Variants in PMPCB observed in about 807,000 individuals in gnomAD.
PMPCB encodes mitochondrial-processing peptidase subunit beta.
A neutral mutation model predicts 61.5 loss-of-function variants in PMPCB; 46 were observed. The observed-to-expected ratio is 0.75, with a 90% CI of 0.59 to 0.96. PMPCB has a LOEUF of 0.96. Among genes scored for constraint, PMPCB ranks in the 40% least tolerant of loss-of-function variants. The pLI, the probability that PMPCB is intolerant of heterozygous loss-of-function variation, is 0.00. For missense variants in PMPCB, 590 were observed against 602.4 expected (o/e 0.98, Z 0.22); for synonymous variants, 191 against 201.6 (o/e 0.95, Z 0.44).
chr7:103,346,818 ATGTG>A, the PMPCB span, among the ~76,000 whole-genome samples: 11,752 of 150,116 alleles, frequency 0.078, 582 homozygotes, highest in East Asian at 0.2. Flanking sequence ...AGGCTGAATA[ATGTG>A]TGTGTGTGTG....
downstream of PMPCB, among the ~76,000 whole-genome samples, chr7:103,318,233 A>G (rs1818182115): frequency 6.6e-6 from 1 of 151,952 alleles, no homozygotes; most frequent in Non-Finnish European, 1.5e-5. Context: ...CGACATGATC[A>G]TAGCTCACTG....
At chr7:103,305,166 A>G (rs1425163977) in intron 6 of PMPCB, among the ~76,000 whole-genome samples, 2 of 152,202 alleles carry the variant, frequency 1.3e-5, no homozygotes, top group Non-Finnish European at 2.9e-5. Flanking sequence ...TGGAACGGGT[A>G]TGTTCATTCT....
the PMPCB span, chr7:103,344,706 C>A: frequency 7.1e-7 from 1 of 1,418,212 alleles, no homozygotes; most frequent in Non-Finnish European, 9.8e-7. Flanking sequence ...CTCTACCTCT[C>A]ACTCCGAGCC....
intron 12 of PMPCB, chr7:103,324,667 G>A (rs1818606553): frequency 9.5e-7 from 1 of 1,047,716 alleles, no homozygotes; most frequent in Non-Finnish European, 1.3e-6. Context: ...TAATTCCTCT[G>A]ATTTCCCTTC....
Position 103,302,609 on chromosome 7 carries a change from C to T in PMPCB, c.458-1233C>T, listed in dbSNP as rs554407273. 1.1e-4 allele frequency among the ~76,000 whole-genome samples: 17 copies of T among 152,292 alleles called. No homozygotes were observed. The South Asian group carries it at 3.1e-3, about 28-fold the overall frequency. On this transcript the variant is annotated intron_variant, in intron 4 of 12. Coordinates refer to ENST00000249269, the MANE Select transcript of PMPCB (RefSeq NM_004279.3). Reference sequence around the variant, plus strand: ...TTACAGATAATTTTTTCCTTTTGGTCATGATCTCAGCCACAGCTTACTATA... The same window carrying T: ...TTACAGATAATTTTTTCCTTTTGGTTATGATCTCAGCCACAGCTTACTATA...
chr7:103,305,939 AC>A (rs1817563352), intron 6 of PMPCB, among the ~76,000 whole-genome samples: 1 of 152,188 alleles, frequency 6.6e-6, no homozygotes, highest in Non-Finnish European at 1.5e-5. Context: ...TGGCATGTGG[AC>A]AAAATGAGTT....
At chr7:103,297,672 C>A (rs1487718340) in intron 1 of PMPCB, 114 bp downstream of exon 1, 1 of 1,542,200 alleles carries the variant, frequency 6.5e-7, no homozygotes, top group Admixed American at 2.0e-5. Flanking sequence ...CCTCCTCGAC[C>A]CGGACCCGCC....
chr7:103,330,182 T>C (rs1295034567), downstream of PMPCB, among the ~76,000 whole-genome samples: 1 of 152,246 alleles, frequency 6.6e-6, no homozygotes, highest in Non-Finnish European at 1.5e-5. Context: ...ATCTGAGCTA[T>C]AATTTTGCTA....
At chr7:103,343,973 G>A in the PMPCB span, among the ~76,000 whole-genome samples, 1 of 152,208 alleles carries the variant, frequency 6.6e-6, no homozygotes, top group African/African-American at 2.4e-5. Flanking sequence ...CAATACTCAT[G>A]ACTGTCCTGG....
intron 1 of PMPCB, chr7:103,297,844 A>G (rs1186988804): frequency 6.7e-7 from 1 of 1,491,210 alleles, no homozygotes; most frequent in Non-Finnish European, 8.9e-7. Context: ...TAGTGCTTGC[A>G]AATTGGGGAA....
the PMPCB span, chr7:103,344,429 G>C: frequency 9.9e-7 from 1 of 1,006,508 alleles, no homozygotes; most frequent in Non-Finnish European, 1.5e-6. Context: ...AAAGGCACTC[G>C]TCACGGCCCC....
chr7:103,298,792 GCTGGTGGTTC>G, intron 2 of PMPCB, 84 bp downstream of exon 2: 2 of 1,341,770 alleles, frequency 1.5e-6, no homozygotes, highest in Admixed American at 4.5e-5. Context: ...TTTTTCGTTG[GCTGGTGGTTC>G]AAAAAGGGTG....
Position 103,314,357 on chromosome 7 carries a change from T to C in PMPCB, c.*2086T>C. Reference sequence around the variant, plus strand: ...ATGGTGCCAGCTTGCTGTTTAATGGTACAACTGAAGAGGAAGGAGCCTTCC... The same window carrying C: ...ATGGTGCCAGCTTGCTGTTTAATGGCACAACTGAAGAGGAAGGAGCCTTCC... On this transcript the variant is annotated 3_prime_UTR_variant, in exon 13 of 13. Transcript: ENST00000249269. 3.0e-6 allele frequency: 3 copies of C among 985,364 alleles called. No individual in the cohort carries two copies. The highest frequency in any genetic ancestry group is 3.6e-6 in the Non-Finnish European group (3 of 829,910). 61.0% of individuals were successfully genotyped at this position (985,364 alleles called of 1,614,324 possible).
At chr7:103,344,328 G>C in the PMPCB span, 1 of 584,350 alleles carries the variant, frequency 1.7e-6, no homozygotes, top group South Asian at 2.1e-5. Flanking sequence ...GCAGCGGCGA[G>C]AGGAGGAAGC....
At chr7:103,305,776 T>C (rs1180944122) in intron 6 of PMPCB, among the ~76,000 whole-genome samples, 2 of 152,210 alleles carry the variant, frequency 1.3e-5, no homozygotes, top group Non-Finnish European at 1.5e-5. Context: ...TGGCAGGAAG[T>C]GCACTCTGAA....
At chr7:103,322,086 A>T (rs749082545) in intron 12 of PMPCB, 10 of 1,589,300 alleles carry the variant, frequency 6.3e-6, no homozygotes, top group Non-Finnish European at 8.6e-6. Context: ...TCTTTGCTTT[A>T]AAAAAAGGGA....
the PMPCB span, among the ~76,000 whole-genome samples, chr7:103,346,235 C>T: frequency 5.9e-5 from 9 of 152,110 alleles, no homozygotes; most frequent in Admixed American, 2.6e-4. Flanking sequence ...CAGGTTCAAG[C>T]GATTCTCCTG....
intron 12 of PMPCB, chr7:103,326,413 G>A (rs952075866): frequency 2.3e-6 from 2 of 879,102 alleles, no homozygotes; most frequent in Admixed American, 2.6e-5. Context: ...AGAGAAGGAG[G>A]AGGAGGAGGA....
At position 103,307,685 on chromosome 7, in the gene PMPCB, C is replaced by G. The variant is rs774080956; in HGVS notation, c.826C>G (p.Pro276Ala). The G allele has an allele frequency of 8.7e-6, 14 of 1,610,026 alleles. No individual in the cohort carries two copies. In the South Asian group the frequency reaches 1.5e-4, roughly 18 times the overall value. Residue 276 changes from proline to alanine, a missense_variant, in exon 7 of 13, where the codon CCC (proline) becomes GCC (alanine). Physicochemically the swap from Pro to Ala is conservative, Grantham distance 27. Transcript: ENST00000249269. ...CAAAGGAGAAATACCAGCTCTGCCT[C>G]CCTGCAAATTCACAGGAAGTGAGGT... ...THKGEIPALP[P>A]CKFTGSEIRV...
Sources: gnomAD v4.1 joint callset for allele counts (sites outside exome capture counted in the v4.1 genomes callset) on GRCh38, gnomAD v4.1.1 for gene constraint, MANE v1.5 for transcripts, NCBI Gene and HGNC (gene_info 2026-07-23, HGNC 2026-07-21) for gene names.